The following DLG2 variants were observed in gnomAD, a reference collection of about 807,000 sequenced individuals.
DLG2 encodes discs large MAGUK scaffold protein 2, also known as disks large homolog 2.
A neutral mutation model predicts 132.5 loss-of-function variants in DLG2; 45 were observed. The ratio of observed to expected loss-of-function variants is 0.34; its 90% CI spans 0.27 to 0.44. DLG2 has a LOEUF of 0.44. Ranked by LOEUF, DLG2 falls within the 20% of genes least tolerant of loss-of-function variation. The pLI, the probability that DLG2 is intolerant of heterozygous loss-of-function variation, is 1.00. For missense variants in DLG2, 1,045 were observed against 1,196.9 expected (o/e 0.87, Z 1.87); for synonymous variants, 424 against 419.6 (o/e 1.01, Z -0.13).
At chr11:84,117,633 T>C (rs2093697273) in intron 9 of DLG2, among the ~76,000 whole-genome samples, 1 of 152,202 alleles carries the variant, frequency 6.6e-6, no homozygotes, top group African/African-American at 2.4e-5. Flanking sequence ...TGGGTTCAGT[T>C]ACACCCAGAG....
intron 7 of DLG2, among the ~76,000 whole-genome samples, chr11:84,269,092 A>G (rs2097686535): frequency 6.6e-6 from 1 of 152,200 alleles, no homozygotes; most frequent in Admixed American, 6.5e-5. Context: ...GTATGTATAC[A>G]TGTAATATTG....
intron 18 of DLG2, among the ~76,000 whole-genome samples, chr11:83,706,910 C>T (rs1421099868): frequency 6.6e-6 from 1 of 152,204 alleles, no homozygotes. Flanking sequence ...GAGGTGACAA[C>T]ACCTTTAAGA....
At chr11:84,542,464 T>C (rs913643309) in intron 6 of DLG2, among the ~76,000 whole-genome samples, 1 of 152,184 alleles carries the variant, frequency 6.6e-6, no homozygotes, top group Non-Finnish European at 1.5e-5. Flanking sequence ...GTAATCCAAG[T>C]TCTTTGAGGG....
chr11:83,884,589 G>C (rs1055676494), intron 15 of DLG2, among the ~76,000 whole-genome samples: 3 of 152,198 alleles, frequency 2.0e-5, no homozygotes, highest in Admixed American at 6.5e-5. Context: ...TTTGAAGAGA[G>C]CAGTGGTTCT....
intron 21 of DLG2, among the ~76,000 whole-genome samples, chr11:83,497,744 T>C (rs1475940200): frequency 1.3e-5 from 2 of 152,124 alleles, no homozygotes; most frequent in African/African-American, 4.8e-5. Context: ...CATTTTTTCA[T>C]AGTGTCACAT....
chr11:83,601,117 G>A (rs1444834907), intron 19 of DLG2, among the ~76,000 whole-genome samples: 1 of 152,194 alleles, frequency 6.6e-6, no homozygotes, highest in East Asian at 1.9e-4. Context: ...CTGGCACATA[G>A]CAGATGCTCA....
chr11:84,231,854 G>C (rs147844013), intron 8 of DLG2, among the ~76,000 whole-genome samples: 66 of 152,218 alleles, frequency 4.3e-4, no homozygotes, highest in African/African-American at 1.1e-3. Flanking sequence ...CAGGAGAGTA[G>C]TAGACCAAGG....
chr11:84,843,883 T>G (rs1471275995), intron 6 of DLG2, among the ~76,000 whole-genome samples: 1 of 151,456 alleles, frequency 6.6e-6, no homozygotes, highest in Non-Finnish European at 1.5e-5. Flanking sequence ...TATATACTTA[T>G]TTCTTTATTT....
At chr11:83,587,345 A>G (rs1164665486) in intron 19 of DLG2, among the ~76,000 whole-genome samples, 1 of 151,704 alleles carries the variant, frequency 6.6e-6, no homozygotes. Context: ...ATCTCAGCTC[A>G]CTGCAACCTC....
At chr11:85,394,579 G>A (rs189070637) in intron 3 of DLG2, among the ~76,000 whole-genome samples, 1 of 152,310 alleles carries the variant, frequency 6.6e-6, no homozygotes, top group East Asian at 1.9e-4. Flanking sequence ...AATAATTGTT[G>A]ACTTCTCAAA....
chr11:84,545,964 C>T (rs1198322674), intron 6 of DLG2, among the ~76,000 whole-genome samples: 1 of 152,022 alleles, frequency 6.6e-6, no homozygotes, highest in African/African-American at 2.4e-5. Flanking sequence ...CCATGTTGGC[C>T]AGGCTGGTCT....
intron 6 of DLG2, among the ~76,000 whole-genome samples, chr11:84,790,387 T>C (rs2073645576): frequency 6.6e-6 from 1 of 152,136 alleles, no homozygotes; most frequent in Admixed American, 6.5e-5. Flanking sequence ...TATGTTTTCT[T>C]TTAAGAAATG....
At chr11:83,531,085 C>T (rs1255963038) in intron 21 of DLG2, among the ~76,000 whole-genome samples, 1 of 151,904 alleles carries the variant, frequency 6.6e-6, no homozygotes, top group Admixed American at 6.6e-5. Context: ...TATAAATCTT[C>T]ATGACTTTCA....
intron 6 of DLG2, among the ~76,000 whole-genome samples, chr11:84,834,797 G>A (rs1280044252): frequency 4.5e-4 from 65 of 144,262 alleles, no homozygotes; most frequent in Non-Finnish European, 5.6e-4. Context: ...TCTTTTCTCA[G>A]AAAAAAAAAA....
intron 20 of DLG2, among the ~76,000 whole-genome samples, chr11:83,540,655 C>T (rs1200690527): frequency 1.3e-5 from 2 of 152,184 alleles, no homozygotes; most frequent in Non-Finnish European, 2.9e-5. Context: ...TAAGTTCCAT[C>T]TCCCCATTAT....
intron 7 of DLG2, among the ~76,000 whole-genome samples, chr11:84,470,456 G>A (rs1392073782): frequency 6.6e-6 from 1 of 151,682 alleles, no homozygotes; most frequent in East Asian, 1.9e-4. Flanking sequence ...AGTATAATGG[G>A]GAAGAATGGC....
At chr11:83,605,773 G>T (rs2059247351) in intron 19 of DLG2, among the ~76,000 whole-genome samples, 1 of 152,218 alleles carries the variant, frequency 6.6e-6, no homozygotes, top group Non-Finnish European at 1.5e-5. Context: ...AACAATACAT[G>T]CAAGAGTACT....
chr11:83,465,470 C>T (rs1342254754), intron 26 of DLG2, among the ~76,000 whole-genome samples: 1 of 152,134 alleles, frequency 6.6e-6, no homozygotes, highest in Non-Finnish European at 1.5e-5. Context: ...GTGGTTCACT[C>T]CTGAACCCTG....
chr11:84,145,096 T>A (rs1219437776), intron 9 of DLG2, among the ~76,000 whole-genome samples: 2 of 152,166 alleles, frequency 1.3e-5, no homozygotes, highest in Non-Finnish European at 2.9e-5. Flanking sequence ...ACCCACACCT[T>A]GTTTTTACAA....
Sources: gnomAD v4.1 joint callset for allele counts (sites outside exome capture counted in the v4.1 genomes callset) on GRCh38, gnomAD v4.1.1 for gene constraint, MANE v1.5 for transcripts, NCBI Gene and HGNC (gene_info 2026-07-23, HGNC 2026-07-21) for gene names.